FAM220A: variants seen among roughly 807,000 people sequenced by gnomAD.
FAM220A encodes protein FAM220A.
For synonymous variants in FAM220A, 141 were observed against 130.7 expected (o/e 1.08, Z -0.54); for missense variants, 392 against 321.6 (o/e 1.22, Z -1.68).
In FAM220A at chr7:6,329,996, CCACT is replaced by C; in HGVS notation, c.*375_*378del. The C allele has an allele frequency of 4.4e-6, 1 of 227,114 alleles. No homozygotes were observed. The highest frequency in any genetic ancestry group is 9.4e-6 in the Non-Finnish European group (1 of 106,842). 14.1% of individuals were successfully genotyped at this position (227,114 alleles called of 1,614,324 possible). On this transcript the variant is annotated 3_prime_UTR_variant, in exon 2 of 2. Transcript: ENST00000313324. Reference sequence around the variant, plus strand: ...ACAGTGGTGTAGACTTTACAAGTATCCACTTCCATTGGGTGATCAGACAAGTCAA... The same window carrying C: ...ACAGTGGTGTAGACTTTACAAGTATCTCCATTGGGTGATCAGACAAGTCAA...
chr7:6,344,394 C>T (rs1781920188), intron 1 of FAM220A, among the ~76,000 whole-genome samples: 1 of 152,170 alleles, frequency 6.6e-6, no homozygotes, highest in African/African-American at 2.4e-5. Context: ...GCTTGTTGCA[C>T]TTGGTCAAGC....
intron 1 of FAM220A, among the ~76,000 whole-genome samples, chr7:6,332,741 G>A (rs1202875257): frequency 6.6e-6 from 1 of 152,166 alleles, no homozygotes; most frequent in Non-Finnish European, 1.5e-5. Flanking sequence ...ACACTGAAAG[G>A]ATCAGCTACA....
Position 6,330,527 on chromosome 7 carries a change from G to A in FAM220A, c.628C>T (p.Arg210Cys), listed in dbSNP as rs772710171. The A allele has an allele frequency of 5.6e-6, 9 of 1,614,154 alleles. No homozygotes were observed. Among genetic ancestry groups the A allele is most frequent in the Middle Eastern group, 1.6e-4 (1 of 6,062 alleles). ...PEVLLSEETK[R>C]IFLDRLKPMF... The stretch of plus-strand genomic sequence containing the variant: ...GGCTTTAAACGGTCAAGGAAAATGC[G>A]TTTTGTCTCCTCACTCAGGAGCACT... Residue 210 changes from arginine (R) to cysteine (C), a missense_variant, in exon 2 of 2, where the codon CGC (arginine) becomes TGC (cysteine). Transcript: ENST00000313324.
intron 1 of FAM220A, among the ~76,000 whole-genome samples, chr7:6,332,972 A>C (rs1029703191): frequency 4.6e-5 from 7 of 152,098 alleles, no homozygotes; most frequent in Non-Finnish European, 1.0e-4. Context: ...AAGCATGGTC[A>C]ACATGGTGAA....
At chr7:6,341,179 T>A (rs1365221144) in intron 1 of FAM220A, among the ~76,000 whole-genome samples, 3 of 147,874 alleles carry the variant, frequency 2.0e-5, no homozygotes, top group African/African-American at 7.6e-5. Flanking sequence ...GCACAGTGGC[T>A]CACCCCTGAA....
Position 6,344,979 on chromosome 7 carries a change from G to A in FAM220A, c.-82+3594C>T, listed in dbSNP as rs527670879. ...TGGTCTCAAACTCCTGACCTCAGGT[G>A]ATCTGCCTGCCTCAGCCTCTCAAAG... On this transcript the variant is annotated intron_variant, in intron 1 of 1. Coordinates refer to ENST00000313324, the MANE Select transcript of FAM220A (RefSeq NM_001037163.2). Among the ~76,000 whole-genome samples the A allele has an allele frequency of 7.9e-5, 12 of 152,188 alleles. No homozygotes were observed. In the South Asian group the frequency reaches 2.5e-3, roughly 32 times the overall value.
At position 6,331,246 on chromosome 7, in the gene FAM220A, G is replaced by C; in HGVS notation, c.-81-11C>G. 2 of 1,307,262 alleles carry C rather than the reference G, an allele frequency of 1.5e-6. No homozygotes were observed. Among genetic ancestry groups the C allele is most frequent in the Non-Finnish European group, 2.1e-6 (2 of 956,858 alleles). The allele number at this position is 1,307,262 out of a possible 1,614,324, so 81.0% of individuals were successfully genotyped here. On this transcript the variant is annotated splice_polypyrimidine_tract_variant and intron_variant, in intron 1 of 1. Transcript: ENST00000313324. ...GATCTCAATATGAACCTAGGAAAGG[G>C]AATCAAATTAAAGTTCTAAAATGAA...
In FAM220A at chr7:6,333,902, A is replaced by G. The variant is rs1215340168; in HGVS notation, c.-81-2667T>C. Among the ~76,000 whole-genome samples, 16 of 131,572 alleles carry G rather than the reference A, an allele frequency of 1.2e-4. No individual in the cohort carries two copies. The Admixed American group carries it at 1.4e-3, about 12-fold the overall frequency. The allele number at this position is 131,572 out of a possible 152,430, so 86.3% of individuals were successfully genotyped here. A position where few individuals can be genotyped will look rare whatever the true frequency, so the allele number is the denominator to read the frequency against. The stretch of plus-strand genomic sequence containing the variant: ...TCTTTTTTTGCCCAGGCTGGAGTGC[A>G]GTGGCGCCATCTCAGCTCACTAAAA... On this transcript the variant is annotated intron_variant, in intron 1 of 1. Coordinates refer to ENST00000313324, the MANE Select transcript of FAM220A (RefSeq NM_001037163.2).
At chr7:6,332,622 T>A (rs1781659558) in intron 1 of FAM220A, among the ~76,000 whole-genome samples, 1 of 151,938 alleles carries the variant, frequency 6.6e-6, no homozygotes, top group Admixed American at 6.6e-5. Flanking sequence ...TGCTTGAGCC[T>A]GGGAGGCAGA....
chr7:6,331,937 G>A (rs1167398114), intron 1 of FAM220A, among the ~76,000 whole-genome samples: 5 of 151,618 alleles, frequency 3.3e-5, no homozygotes, highest in Non-Finnish European at 7.4e-5. Context: ...GTAGAGATGA[G>A]GGTTCGCCAT....
rs1348452668 is a variant in FAM220A, at chr7:6,330,023, C to G, written c.*352G>C. 3 of 254,866 alleles carry G rather than the reference C, an allele frequency of 1.2e-5. No homozygotes were observed. Among genetic ancestry groups the G allele is most frequent in the Non-Finnish European group, 2.4e-5 (3 of 125,104 alleles). The allele number at this position is 254,866 out of a possible 1,614,324, so 15.8% of individuals were successfully genotyped here. On this transcript the variant is annotated 3_prime_UTR_variant, in exon 2 of 2. Transcript: ENST00000313324. ...ACTTCCATTGGGTGATCAGACAAGT[C>G]AAAAGGACACACAGGATTTGGGACA...
intron 1 of FAM220A, among the ~76,000 whole-genome samples, chr7:6,344,887 G>C (rs1017108789): frequency 6.6e-6 from 1 of 150,816 alleles, no homozygotes; most frequent in African/African-American, 2.4e-5. Flanking sequence ...GATGACAGGC[G>C]CATGCCGCCA....
rs182413515 is a variant in FAM220A at position 6,333,947 on chromosome 7, C to T, written c.-81-2712G>A. 3.6e-3 allele frequency among the ~76,000 whole-genome samples: 536 copies of T among 149,458 alleles called. 1 individual carries two copies. The highest frequency in any genetic ancestry group is 5.2e-3 in the Non-Finnish European group (353 of 67,478). On this transcript the variant is annotated intron_variant, in intron 1 of 1. Transcript: ENST00000313324. ...CTAAAAGCTCCACCTCCCGGGTTCA[C>T]GCCATTCTCCTGCCTCAGCCTCCCA...
chr7:6,343,443 T>C lies in FAM220A; in HGVS notation c.-82+5130A>G, dbSNP rs1254962765. Among the ~76,000 whole-genome samples the C allele has an allele frequency of 5.9e-5, 6 of 101,814 alleles. No individual in the cohort carries two copies. The South Asian group carries it at 1.3e-3, about 21-fold the overall frequency. The allele number at this position is 101,814 out of a possible 152,430, so 66.8% of individuals were successfully genotyped here. A position where few individuals can be genotyped will look rare whatever the true frequency, so the allele number is the denominator to read the frequency against. On this transcript the variant is annotated intron_variant, in intron 1 of 1. Transcript: ENST00000313324. ...ATATATATATATATATATATATATATATGATCTAGGACTAAGAAACACTTC... is the reference window on the plus strand; with the variant it reads ...ATATATATATATATATATATATATACATGATCTAGGACTAAGAAACACTTC...
chr7:6,337,237 C>T (rs1009983609), intron 1 of FAM220A, among the ~76,000 whole-genome samples: 1 of 152,082 alleles, frequency 6.6e-6, no homozygotes, highest in Non-Finnish European at 1.5e-5. Context: ...ATGGCCCTGG[C>T]TGGTTTTAGC....
At position 6,330,248 on chromosome 7, in the gene FAM220A, C is replaced by G. The variant is rs1781600534; in HGVS notation, c.*127G>C. 2 of 920,260 alleles carry G rather than the reference C, an allele frequency of 2.2e-6. No individual in the cohort carries two copies. The highest frequency in any genetic ancestry group is 2.6e-5 in the East Asian group (1 of 38,264). 57.0% of individuals were successfully genotyped at this position (920,260 alleles called of 1,614,324 possible). A position where few individuals can be genotyped will look rare whatever the true frequency, so the allele number is the denominator to read the frequency against. ...AATTTAAACTCAATTTACTTTAAGTCTGCCAGGTCGTACAAAACTACAGCA... is the reference window on the plus strand; with the variant it reads ...AATTTAAACTCAATTTACTTTAAGTGTGCCAGGTCGTACAAAACTACAGCA... On this transcript the variant is annotated 3_prime_UTR_variant, in exon 2 of 2. Coordinates refer to ENST00000313324, the MANE Select transcript of FAM220A (RefSeq NM_001037163.2).
chr7:6,347,860 C>G (rs1026050665), intron 1 of FAM220A, among the ~76,000 whole-genome samples: 7 of 149,398 alleles, frequency 4.7e-5, no homozygotes, highest in Non-Finnish European at 8.9e-5. Context: ...TCGAGACCAG[C>G]CTGGGCAACA....
At chr7:6,332,227 T>TA (rs1441278878) in intron 1 of FAM220A, among the ~76,000 whole-genome samples, 1 of 152,056 alleles carries the variant, frequency 6.6e-6, no homozygotes, top group Non-Finnish European at 1.5e-5. Flanking sequence ...ACCAGCACCT[T>TA]CATTGTCTCT....
chr7:6,343,337 A>G (rs190167036), intron 1 of FAM220A, among the ~76,000 whole-genome samples: 3 of 148,246 alleles, frequency 2.0e-5, no homozygotes, highest in East Asian at 3.9e-4. Flanking sequence ...AAATCACACC[A>G]CTGCACTCCA....
Sources: gnomAD v4.1 joint callset for allele counts (sites outside exome capture counted in the v4.1 genomes callset) on GRCh38, gnomAD v4.1.1 for gene constraint, MANE v1.5 for transcripts, NCBI Gene and HGNC (gene_info 2026-07-23, HGNC 2026-07-21) for gene names.